The following CAMTA1 variants were observed in gnomAD, a reference collection of about 807,000 sequenced individuals.
CAMTA1 encodes the protein calmodulin-binding transcription activator 1.
Under a neutral mutation model 170.9 loss-of-function variants are expected in CAMTA1, and 27 were observed. The ratio of observed to expected loss-of-function variants is 0.16; its 90% CI spans 0.12 to 0.22. The LOEUF is 0.22. Ranked by LOEUF, CAMTA1 falls within the 10% of genes least tolerant of loss-of-function variation. CAMTA1 has a pLI of 1.00. For missense variants in CAMTA1, 1,619 were observed against 2,217.2 expected, an observed-to-expected ratio of 0.73 and a Z score of 5.42; for synonymous variants, 833 against 891.5, an observed-to-expected ratio of 0.93 and a Z score of 1.17.
chr1:7,705,557 C>T (rs1344204887), intron 11 of CAMTA1, among the ~76,000 whole-genome samples: 2 of 150,718 alleles, frequency 1.3e-5, no homozygotes, highest in African/African-American at 2.4e-5. Flanking sequence ...CGCGGGGGCC[C>T]GGCCCGGCCG....
intron 4 of CAMTA1, among the ~76,000 whole-genome samples, chr1:7,182,993 G>A (rs566608031): frequency 6.6e-6 from 1 of 152,328 alleles, no homozygotes; most frequent in Non-Finnish European, 1.5e-5. Context: ...TTCAAGGGAA[G>A]TGTGGCGATT....
rs995560216 is a variant in CAMTA1, at chr1:7,642,494, T to C, written c.664+1941T>C. On this transcript the variant is annotated intron_variant, in intron 7 of 22. Coordinates refer to ENST00000303635, the MANE Select transcript of CAMTA1 (RefSeq NM_015215.4). The surrounding 1 kb of genome is among the most constrained non-coding windows in gnomAD (Gnocchi z 6.3). ...GGCCCTGCTGTCAGGCCCGCCTGCCTGCCTTCGTACTCAGTACATAGGGGG... is the reference window on the plus strand; with the variant it reads ...GGCCCTGCTGTCAGGCCCGCCTGCCCGCCTTCGTACTCAGTACATAGGGGG... 3.3e-5 allele frequency among the ~76,000 whole-genome samples: 5 copies of C among 152,162 alleles called. No homozygotes were observed. Among genetic ancestry groups the C allele is most frequent in the African/African-American group, 1.2e-4 (5 of 41,438 alleles).
rs892706774 is a variant in CAMTA1 at position 7,769,691 on chromosome 1, A to G, written c.*3200A>G. 3 of 152,452 alleles carry G rather than the reference A, an allele frequency of 2.0e-5. No individual in the cohort carries two copies. Among genetic ancestry groups the G allele is most frequent in the African/African-American group, 7.2e-5 (3 of 41,470 alleles). 9.4% of individuals were successfully genotyped at this position (152,452 alleles called of 1,614,324 possible). A position where few individuals can be genotyped will look rare whatever the true frequency, so the allele number is the denominator to read the frequency against. On this transcript the variant is annotated 3_prime_UTR_variant, in exon 23 of 23. Transcript: ENST00000303635. ...TCTTTCTGCTGTAAATTAAAAATGA[A>G]GAAAATTTCCCCATACTACGTGTGT...
intron 7 of CAMTA1, among the ~76,000 whole-genome samples, chr1:7,650,222 G>A (rs1393956910): frequency 6.6e-6 from 1 of 152,236 alleles, no homozygotes; most frequent in Non-Finnish European, 1.5e-5. Flanking sequence ...CACCCACGGT[G>A]CAAAGAATTC....
Position 7,354,223 on chromosome 1 carries a change from A to G in CAMTA1, c.438+104597A>G, listed in dbSNP as rs372187709. ...GAGTGCAGTGGCACGATCTTGGCTC[A>G]CTGCAAGCTCCACCTCCTGGGTTCA... On this transcript the variant is annotated intron_variant, in intron 5 of 22. Coordinates refer to ENST00000303635, the MANE Select transcript of CAMTA1 (RefSeq NM_015215.4). Among the ~76,000 whole-genome samples the G allele has an allele frequency of 1.3e-4, 19 of 147,028 alleles. No homozygotes were observed. In the East Asian group the frequency reaches 3.8e-3, roughly 29 times the overall value.
At chr1:6,810,036 C>T (rs1644983988) in intron 1 of CAMTA1, among the ~76,000 whole-genome samples, 2 of 152,208 alleles carry the variant, frequency 1.3e-5, no homozygotes, top group African/African-American at 4.8e-5. Context: ...GCCTGATGGG[C>T]TGTGAGTGTA....
chr1:7,077,975 G>A (rs1190028864), intron 3 of CAMTA1, among the ~76,000 whole-genome samples: 1 of 150,752 alleles, frequency 6.6e-6, no homozygotes, highest in Non-Finnish European at 1.5e-5. Flanking sequence ...ATTTATGGGT[G>A]GGAAGAGCTT....
chr1:7,698,944 C>T (rs2096408669), intron 11 of CAMTA1: 1 of 152,280 alleles, frequency 6.6e-6, no homozygotes. Flanking sequence ...CCACTGCACC[C>T]CACATTGGCC....
rs1261421429 is a variant in CAMTA1, at chr1:7,547,110, T to A, written c.510+79209T>A. ...CTCAGATTTGGTTGGTGGACCTCCA[T>A]TCAAGCTGGTTTCTGGGTCATTTGA... On this transcript the variant is annotated intron_variant, in intron 6 of 22. Coordinates refer to ENST00000303635, the MANE Select transcript of CAMTA1 (RefSeq NM_015215.4). This position sits in a 1 kb window ranked among gnomAD's most constrained non-coding sequence, Gnocchi z 5.7. Among the ~76,000 whole-genome samples the A allele has an allele frequency of 6.6e-6, 1 of 152,192 alleles. No individual in the cohort carries two copies. Among genetic ancestry groups the A allele is most frequent in the Admixed American group, 6.5e-5 (1 of 15,280 alleles).
In CAMTA1 at chr1:6,807,651, C is replaced by T. The variant is rs543687092; in HGVS notation, c.46-12530C>T. ...AGGAGAATCGCTTGAATCCAGGAGGCGGAGGTTGCAGTGAGCTGAGATCGT... is the reference window on the plus strand; with the variant it reads ...AGGAGAATCGCTTGAATCCAGGAGGTGGAGGTTGCAGTGAGCTGAGATCGT... On this transcript the variant is annotated intron_variant, in intron 1 of 22. Transcript: ENST00000303635. 7.4e-5 allele frequency among the ~76,000 whole-genome samples: 11 copies of T among 148,502 alleles called. 1 individual carries two copies. Among genetic ancestry groups the T allele is most frequent in the South Asian group, 4.3e-4 (2 of 4,696 alleles).
chr1:7,369,748 A>G (rs1324197787), intron 5 of CAMTA1, among the ~76,000 whole-genome samples: 1 of 152,086 alleles, frequency 6.6e-6, no homozygotes, highest in Non-Finnish European at 1.5e-5. Flanking sequence ...GCCTAGGACA[A>G]GCTGAGGTCA....
At chr1:7,215,882 ATG>A (rs1366862430) in intron 4 of CAMTA1, among the ~76,000 whole-genome samples, 1 of 152,198 alleles carries the variant, frequency 6.6e-6, no homozygotes, top group Non-Finnish European at 1.5e-5. Context: ...TGAATATTCT[ATG>A]TGTACTTAAG....
chr1:7,204,822 CT>C (rs1400714988), intron 4 of CAMTA1, among the ~76,000 whole-genome samples: 2,940 of 111,504 alleles, frequency 0.026, 74 homozygotes, highest in African/African-American at 0.094. Flanking sequence ...TTTTTTTTTT[CT>C]TTTTTTCTTT....
chr1:6,834,154 ATT>A (rs60264977), intron 3 of CAMTA1, among the ~76,000 whole-genome samples: 8 of 136,564 alleles, frequency 5.9e-5, no homozygotes, highest in Non-Finnish European at 8.1e-5. Flanking sequence ...TATTTGATTA[ATT>A]TTTTTTTTTT....
chr1:7,480,249 GTGC>G (rs2093499540), intron 6 of CAMTA1, among the ~76,000 whole-genome samples: 1 of 94,378 alleles, frequency 1.1e-5, no homozygotes, highest in Non-Finnish European at 2.1e-5. Context: ...GTCCGTGTGT[GTGC>G]ATGTGTGTAT....
At chr1:6,938,290 C>A (rs943337782) in intron 3 of CAMTA1, among the ~76,000 whole-genome samples, 2 of 152,082 alleles carry the variant, frequency 1.3e-5, no homozygotes, top group Non-Finnish European at 2.9e-5. Context: ...GAGAGAGGTA[C>A]CCCCCTCAGC....
At chr1:6,954,660 G>A (rs2149491065) in intron 3 of CAMTA1, among the ~76,000 whole-genome samples, 1 of 152,336 alleles carries the variant, frequency 6.6e-6, no homozygotes, top group East Asian at 1.9e-4. Context: ...AGGCCACACA[G>A]GAGACAGGCT....
intron 3 of CAMTA1, among the ~76,000 whole-genome samples, chr1:7,018,031 T>G (rs1363724736): frequency 6.6e-6 from 1 of 152,014 alleles, no homozygotes; most frequent in Non-Finnish European, 1.5e-5. Context: ...GGTGCGATCT[T>G]GGCTCGCTGC....
rs964075208 is a variant in CAMTA1 at position 7,455,225 on chromosome 1, G to A, written c.439-12605G>A. 1.3e-5 allele frequency among the ~76,000 whole-genome samples: 2 copies of A among 152,316 alleles called. No individual in the cohort carries two copies. The highest frequency in any genetic ancestry group is 2.9e-5 in the Non-Finnish European group (2 of 68,028). ...TTCTCTAGTGCAGGAGCCGCGGCTC[G>A]GCATGGTTCTGCGTGTGTGTTTCCG... is the stretch of plus-strand genomic sequence containing the variant. On this transcript the variant is annotated intron_variant, in intron 5 of 22. Coordinates refer to ENST00000303635, the MANE Select transcript of CAMTA1 (RefSeq NM_015215.4). This position sits in a 1 kb window ranked among gnomAD's most constrained non-coding sequence, Gnocchi z 5.0.
Sources: gnomAD v4.1 joint callset for allele counts (sites outside exome capture counted in the v4.1 genomes callset) on GRCh38, gnomAD v4.1.1 for gene constraint, Gnocchi (gnomAD v3.1) non-coding constraint, MANE v1.5 for transcripts, NCBI Gene and HGNC (gene_info 2026-07-23, HGNC 2026-07-21) for gene names.